The following UPF2 variants were observed in gnomAD, a reference collection of about 807,000 sequenced individuals.
UPF2 encodes the protein UPF2 regulator of nonsense mediated mRNA decay, also known as regulator of nonsense transcripts 2.
Under a neutral mutation model 141.4 loss-of-function variants are expected in UPF2, and 17 were observed. The ratio of observed to expected loss-of-function variants is 0.12; its 90% CI spans 0.08 to 0.18. The LOEUF is 0.18. Ranked by LOEUF, UPF2 falls within the 10% of genes least tolerant of loss-of-function variation. UPF2 has a pLI of 1.00. For missense variants in UPF2, 1,152 were observed against 1,515.9 expected (o/e 0.76, Z 3.99); for synonymous variants, 540 against 498.0 (o/e 1.08, Z -1.12).
chr10:11,963,038 T>C (rs1042079509), intron 11 of UPF2, among the ~76,000 whole-genome samples: 2 of 152,202 alleles, frequency 1.3e-5, no homozygotes, highest in Non-Finnish European at 2.9e-5. Flanking sequence ...TATTAGGCTA[T>C]AAACTACGTA....
intron 8 of UPF2, among the ~76,000 whole-genome samples, chr10:11,988,609 G>A (rs1368664768): frequency 1.3e-5 from 2 of 152,186 alleles, no homozygotes; most frequent in African/African-American, 4.8e-5. Context: ...TGCCAGGGAG[G>A]AGGACGAGAA....
intron 8 of UPF2, among the ~76,000 whole-genome samples, chr10:11,984,927 G>A (rs12414234): frequency 0.052 from 7,982 of 152,192 alleles, 284 homozygotes; most frequent in Non-Finnish European, 0.08. Flanking sequence ...TGGCCAGGCT[G>A]ATCTCGAACT....
intron 8 of UPF2, among the ~76,000 whole-genome samples, chr10:11,993,168 A>AAAAAAAAAAAAAAAAAC (rs1833809466): frequency 7.3e-6 from 1 of 137,874 alleles, no homozygotes. Flanking sequence ...AAAAAAAAAA[A>AAAAAAAAAAAAAAAAAC]AAAAAGGCAG....
At position 12,028,923 on chromosome 10, in the gene UPF2, C is replaced by T. The variant is rs1834467019; in HGVS notation, c.967G>A (p.Val323Ile). The change falls in exon 3 of 22, where the codon GTA becomes ATA. Residue 323 changes from valine (V) to isoleucine (I), a missense_variant. Coordinates refer to ENST00000357604, the MANE Select transcript of UPF2 (RefSeq NM_015542.4). The part of the protein sequence containing the change: ...RHCGDDIAGL[V>I]PRKVKSAAEK... ...GCAGCACTCTTTACTTTCCTTGGTA[C>T]AAGTCCAGCAATATCATCTCCACAA... is the stretch of plus-strand genomic sequence containing the variant. 7 of 1,614,166 alleles carry T rather than the reference C, an allele frequency of 4.3e-6. No homozygotes were observed. Among genetic ancestry groups the T allele is most frequent in the Middle Eastern group, 1.6e-4 (1 of 6,062 alleles).
In UPF2 at chr10:11,992,920, G is replaced by T. The variant is rs182762036; in HGVS notation, c.1844+4752C>A. Among the ~76,000 whole-genome samples the T allele has an allele frequency of 6.6e-6, 1 of 152,188 alleles. No homozygotes were observed. Among genetic ancestry groups the T allele is most frequent in the African/African-American group, 2.4e-5 (1 of 41,522 alleles). ...TCCCAGCACTTTGGGAGGCCAAGGC[G>T]AGTGAATCACTTGCGGTCAGGAGTT... is the stretch of plus-strand genomic sequence containing the variant. On this transcript the variant is annotated intron_variant, in intron 8 of 21. Transcript: ENST00000357604. The surrounding 1 kb of genome is among the most constrained non-coding windows in gnomAD (Gnocchi z 4.1).
In UPF2 at chr10:11,992,437, C is replaced by G. The variant is rs1441383398; in HGVS notation, c.1844+5235G>C. Among the ~76,000 whole-genome samples the G allele has an allele frequency of 6.6e-6, 1 of 152,016 alleles. No individual in the cohort carries two copies. The highest frequency in any genetic ancestry group is 1.9e-4 in the East Asian group (1 of 5,198). ...CTAAAGAGAGTAAGAAAAGAAGACA[C>G]CACAAACTAATCTTACCACTGCTCA... On this transcript the variant is annotated intron_variant, in intron 8 of 21. Transcript: ENST00000357604. The surrounding 1 kb of genome is among the most constrained non-coding windows in gnomAD (Gnocchi z 4.1).
At chr10:11,982,847 C>T (rs568641700) in intron 8 of UPF2, among the ~76,000 whole-genome samples, 157 of 152,132 alleles carry the variant, frequency 1.0e-3, no homozygotes, top group African/African-American at 3.5e-3. Context: ...CTTGAACTCC[C>T]GACCTTAGGC....
chr10:12,012,216 C>T (rs1468498643), intron 4 of UPF2, among the ~76,000 whole-genome samples: 1 of 151,176 alleles, frequency 6.6e-6, no homozygotes, highest in African/African-American at 2.4e-5. Flanking sequence ...GCGCACACCA[C>T]CATGCCCAGC....
chr10:11,925,821 T>C (rs1056556569), intron 21 of UPF2, among the ~76,000 whole-genome samples: 2 of 152,122 alleles, frequency 1.3e-5, no homozygotes, highest in African/African-American at 2.4e-5. Context: ...CAGCAGGAGA[T>C]GAAGCCAGTA....
intron 15 of UPF2, among the ~76,000 whole-genome samples, chr10:11,948,787 A>T (rs1487545871): frequency 6.6e-6 from 1 of 152,226 alleles, no homozygotes; most frequent in Non-Finnish European, 1.5e-5. Flanking sequence ...AAATACTTGG[A>T]TAATCTTGTA....
Position 11,920,754 on chromosome 10 carries a change from A to G in UPF2, c.*544T>C, listed in dbSNP as rs1001742602. ...TCCTGGTGGATTATCTGGTATTTGG[A>G]TATCTTTCATCATTTTGTTGTCCTG... On this transcript the variant is annotated 3_prime_UTR_variant, in exon 22 of 22. Transcript: ENST00000357604. The G allele has an allele frequency of 3.2e-5, 8 of 253,532 alleles. No homozygotes were observed. Among genetic ancestry groups the G allele is most frequent in the Admixed American group, 4.8e-5 (1 of 20,902 alleles). The allele number at this position is 253,532 out of a possible 1,614,324, so 15.7% of individuals were successfully genotyped here. A position where few individuals can be genotyped will look rare whatever the true frequency, so the allele number is the denominator to read the frequency against.
In UPF2 at chr10:11,936,993, G is replaced by A. The variant is rs952541987; in HGVS notation, c.3379-281C>T. Among the ~76,000 whole-genome samples the A allele has an allele frequency of 1.3e-5, 2 of 152,174 alleles. No homozygotes were observed. Among genetic ancestry groups the A allele is most frequent in the Non-Finnish European group, 2.9e-5 (2 of 68,032 alleles). The stretch of plus-strand genomic sequence containing the variant: ...GCCTCTCCCAAGCACGCAGTGCTGC[G>A]GGTTCTACCAAATCCCCCTGCTCCT... On this transcript the variant is annotated intron_variant, in intron 18 of 21. Coordinates refer to ENST00000357604, the MANE Select transcript of UPF2 (RefSeq NM_015542.4). The surrounding 1 kb of genome is among the most constrained non-coding windows in gnomAD (Gnocchi z 6.6).
rs1051921387 is a variant in UPF2 at position 11,939,072 on chromosome 10, G to T, written c.3379-2360C>A. ...TATTTACTGGAGACGGGGTTTCACCGTGTTAGCTAGGAGGGTCTCGATCTC... is the reference window on the plus strand; with the variant it reads ...TATTTACTGGAGACGGGGTTTCACCTTGTTAGCTAGGAGGGTCTCGATCTC... On this transcript the variant is annotated intron_variant, in intron 18 of 21. Transcript: ENST00000357604. The surrounding 1 kb of genome is among the most constrained non-coding windows in gnomAD (Gnocchi z 4.8). Among the ~76,000 whole-genome samples the T allele has an allele frequency of 1.3e-5, 2 of 151,716 alleles. No homozygotes were observed. Among genetic ancestry groups the T allele is most frequent in the Admixed American group, 6.6e-5 (1 of 15,244 alleles).
At chr10:11,949,541 T>C (rs998288841) in intron 15 of UPF2, among the ~76,000 whole-genome samples, 3 of 152,220 alleles carry the variant, frequency 2.0e-5, no homozygotes, top group Non-Finnish European at 4.4e-5. Context: ...ATCTCATAAA[T>C]ATTACATCAG....
chr10:12,011,615 T>C (rs1834128866), intron 4 of UPF2, among the ~76,000 whole-genome samples: 1 of 151,094 alleles, frequency 6.6e-6, no homozygotes, highest in Non-Finnish European at 1.5e-5. Flanking sequence ...CAGAATTTTT[T>C]CAAGGTCTAT....
intron 9 of UPF2, among the ~76,000 whole-genome samples, chr10:11,968,985 C>T (rs981325313): frequency 2.0e-5 from 3 of 152,076 alleles, no homozygotes; most frequent in South Asian, 2.1e-4. Flanking sequence ...CTCAGCCTCC[C>T]GAGTAGCTGC....
rs1191180869 is a variant in UPF2 at position 11,956,101 on chromosome 10, C to T, written c.2574+219G>A. On this transcript the variant is annotated intron_variant, in intron 13 of 21. Transcript: ENST00000357604. This position sits in a 1 kb window ranked among gnomAD's most constrained non-coding sequence, Gnocchi z 4.2. ...GGAAGAGGTTGCAGCGAGCGGAGAT[C>T]GTGCCAGTGCACTCCAGCCTGGGTG... Among the ~76,000 whole-genome samples the T allele has an allele frequency of 6.7e-6, 1 of 149,744 alleles. No individual in the cohort carries two copies. The highest frequency in any genetic ancestry group is 2.0e-4 in the East Asian group (1 of 5,122).
chr10:11,925,311 A>C (rs1832698505), intron 21 of UPF2, among the ~76,000 whole-genome samples: 1 of 152,174 alleles, frequency 6.6e-6, no homozygotes, highest in South Asian at 2.1e-4. Context: ...TTCTTTTTTT[A>C]AGGTGCTATT....
At chr10:11,961,574 TG>T (rs1833242339) in intron 11 of UPF2, among the ~76,000 whole-genome samples, 1 of 151,948 alleles carries the variant, frequency 6.6e-6, no homozygotes, top group Admixed American at 6.6e-5. Context: ...GGTTTAAGTG[TG>T]CAGAGGGAGA....
Sources: allele counts gnomAD v4.1 joint callset (sites outside exome capture counted in the v4.1 genomes callset), GRCh38; gene constraint gnomAD v4.1.1; non-coding constraint Gnocchi (gnomAD v3.1); transcripts MANE v1.5; gene names NCBI Gene and HGNC (gene_info 2026-07-23, HGNC 2026-07-21).